SH3BGR: variants seen among roughly 807,000 people sequenced by gnomAD.
SH3BGR encodes the protein SH3 domain binding glutamate rich protein.
In SH3BGR, 29 loss-of-function variants were observed where a neutral mutation model predicts 24.5. The observed-to-expected ratio is 1.18, with a 90% CI of 0.88 to 1.61. SH3BGR has a LOEUF of 1.61. SH3BGR is among the 40% of genes most tolerant of loss of function. The pLI is 0.00. For missense variants in SH3BGR, 162 were observed against 205.8 expected (o/e 0.79, Z 1.30); for synonymous variants, 55 against 65.7 (o/e 0.84, Z 0.79).
chr21:39,499,968 C>A, intron 4 of SH3BGR, 53 bp downstream of exon 4: 1 of 1,274,908 alleles, frequency 7.8e-7, no homozygotes, highest in Non-Finnish European at 1.1e-6. Context: ...CTGTTCGAGA[C>A]TTTTACAGGG....
At chr21:39,500,509 G>A (rs117098851) in intron 4 of SH3BGR, among the ~76,000 whole-genome samples, 3,340 of 152,188 alleles carry the variant, frequency 0.022, 52 homozygotes, top group Non-Finnish European at 0.033. Flanking sequence ...CTGTGGTTCT[G>A]TGAGTGCCAA....
chr21:39,504,322 C>T (rs954162286), intron 4 of SH3BGR, among the ~76,000 whole-genome samples: 7 of 152,232 alleles, frequency 4.6e-5, no homozygotes, highest in Middle Eastern at 3.4e-3. Context: ...GCCTGCAGCT[C>T]GAGAGGACTC....
intron 1 of SH3BGR, among the ~76,000 whole-genome samples, chr21:39,461,511 C>G: frequency 6.6e-6 from 1 of 152,164 alleles, no homozygotes; most frequent in East Asian, 1.9e-4. Context: ...TCACAAAGCT[C>G]TGCCCCACCA....
intron 1 of SH3BGR, among the ~76,000 whole-genome samples, chr21:39,454,617 C>T (rs1419062570): frequency 6.6e-6 from 1 of 152,160 alleles, no homozygotes; most frequent in Non-Finnish European, 1.5e-5. Flanking sequence ...AGATGCACAG[C>T]CCCTGGAACC....
chr21:39,494,642 A>G (rs914223488), intron 3 of SH3BGR, among the ~76,000 whole-genome samples: 2 of 151,302 alleles, frequency 1.3e-5, no homozygotes, highest in Non-Finnish European at 2.9e-5. Flanking sequence ...TTTTCATTTT[A>G]TCTTTGGTCT....
chr21:39,446,016 C>G (rs2077448712), exon 1 of SH3BGR: 1 of 152,332 alleles, frequency 6.6e-6, no homozygotes, highest in African/African-American at 2.4e-5. Flanking sequence ...GTGGCCGCAC[C>G]GAGACGAGGG....
chr21:39,452,928 T>A (rs2077598073), intron 1 of SH3BGR, among the ~76,000 whole-genome samples: 1 of 152,236 alleles, frequency 6.6e-6, no homozygotes, highest in African/African-American at 2.4e-5. Context: ...TGTCTGGAAC[T>A]GATATTTCGA....
upstream of SH3BGR, among the ~76,000 whole-genome samples, chr21:39,447,682 A>C (rs2148435017): frequency 6.6e-6 from 1 of 151,936 alleles, no homozygotes; most frequent in African/African-American, 2.4e-5. Context: ...GCCTCCCAAA[A>C]TGTTGGGATT....
At chr21:39,451,744 C>G, upstream of SH3BGR, 1 of 899,144 alleles carries the variant, frequency 1.1e-6, no homozygotes, top group Non-Finnish European at 1.7e-6. Context: ...GGCATCTCTG[C>G]ACAGGTCTCC....
chr21:39,503,076 G>A (rs2078523320), intron 4 of SH3BGR, among the ~76,000 whole-genome samples: 1 of 152,024 alleles, frequency 6.6e-6, no homozygotes, highest in African/African-American at 2.4e-5. Context: ...TTCCTTAGGG[G>A]TGGAAAGCCA....
At chr21:39,490,004 T>G (rs1278044229) in intron 3 of SH3BGR, among the ~76,000 whole-genome samples, 1 of 151,998 alleles carries the variant, frequency 6.6e-6, no homozygotes, top group Non-Finnish European at 1.5e-5. Context: ...TGGATGAGGG[T>G]ATGGAGAAAA....
At chr21:39,497,478 T>TA (rs1360220381) in intron 3 of SH3BGR, among the ~76,000 whole-genome samples, 5 of 151,162 alleles carry the variant, frequency 3.3e-5, no homozygotes, top group South Asian at 2.1e-4. Context: ...GACTAAAAAC[T>TA]AAAAAAAATA....
At chr21:39,470,100 T>A (rs1186187374) in intron 2 of SH3BGR, among the ~76,000 whole-genome samples, 3 of 152,146 alleles carry the variant, frequency 2.0e-5, no homozygotes, top group Non-Finnish European at 2.9e-5. Flanking sequence ...GCAGTTTTTT[T>A]AATCCTTTCT....
intron 3 of SH3BGR, among the ~76,000 whole-genome samples, chr21:39,492,466 G>GTGTATATA (rs1404293146): frequency 1.3e-3 from 179 of 139,752 alleles, no homozygotes; most frequent in African/African-American, 5.1e-3. Context: ...GTGTGTGTGT[G>GTGTATATA]TATATATATA....
intron 3 of SH3BGR, among the ~76,000 whole-genome samples, chr21:39,499,276 A>G (rs562741018): frequency 2.5e-4 from 38 of 151,704 alleles, no homozygotes; most frequent in African/African-American, 8.0e-4. Flanking sequence ...CTGTCTATCT[A>G]TCTATGTCTG....
intron 1 of SH3BGR, among the ~76,000 whole-genome samples, chr21:39,454,191 G>T (rs948466959): frequency 4.6e-5 from 7 of 152,118 alleles, no homozygotes; most frequent in African/African-American, 1.7e-4. Context: ...AAACTTCTTG[G>T]CAGGAAAACC....
chr21:39,466,943 C>T (rs950784627), intron 2 of SH3BGR, among the ~76,000 whole-genome samples: 15 of 151,864 alleles, frequency 9.9e-5, no homozygotes, highest in African/African-American at 3.4e-4. Flanking sequence ...TTTGTGTAGC[C>T]AAATATATTA....
chr21:39,491,260 C>T, intron 3 of SH3BGR, among the ~76,000 whole-genome samples: 1 of 152,022 alleles, frequency 6.6e-6, no homozygotes, highest in East Asian at 1.9e-4. Context: ...AGCGATTCTC[C>T]TGCCTCAGTC....
chr21:39,492,525 T>C (rs1014871032), intron 3 of SH3BGR, among the ~76,000 whole-genome samples: 1 of 151,574 alleles, frequency 6.6e-6, no homozygotes, highest in Admixed American at 6.6e-5. Context: ...CACTTGTTGA[T>C]TGATGGGCTT....
Sources: gnomAD v4.1 joint callset for allele counts (sites outside exome capture counted in the v4.1 genomes callset) on GRCh38, gnomAD v4.1.1 for gene constraint, MANE v1.5 for transcripts, NCBI Gene and HGNC (gene_info 2026-07-23, HGNC 2026-07-21) for gene names.